The following NTNG1 variants were observed in gnomAD, a reference collection of about 807,000 sequenced individuals.
NTNG1 encodes netrin G1.
A neutral mutation model predicts 54.0 loss-of-function variants in NTNG1; 16 were observed. The observed-to-expected ratio is 0.30, with a 90% CI of 0.20 to 0.45. NTNG1 has a LOEUF of 0.45. Among genes scored for constraint, NTNG1 ranks in the 20% least tolerant of loss-of-function variants. The pLI is 1.00. For missense variants in NTNG1, 530 were observed against 678.7 expected (o/e 0.78, Z 2.43); for synonymous variants, 255 against 263.1 (o/e 0.97, Z 0.30).
intron 2 of NTNG1, among the ~76,000 whole-genome samples, chr1:107,280,526 T>C (rs988774992): frequency 2.6e-4 from 39 of 152,018 alleles, no homozygotes; most frequent in Non-Finnish European, 5.3e-4. Context: ...AGGCATGCTG[T>C]AACTCTTCCT....
Position 107,162,522 on chromosome 1 carries a change from T to A in NTNG1, c.246+13683T>A, listed in dbSNP as rs1655481937. Among the ~76,000 whole-genome samples, 6 of 152,154 alleles carry A rather than the reference T, an allele frequency of 3.9e-5. No individual in the cohort carries two copies. The South Asian group carries it at 1.2e-3, about 31-fold the overall frequency. ...TTTGTTTTAATTATTTAATAATAAA[T>A]CACTTGGAAGTTGCATAAGCATCAC... On this transcript the variant is annotated intron_variant, in intron 2 of 7. Coordinates refer to ENST00000370068, the MANE Select transcript of NTNG1 (RefSeq NM_001113226.3).
chr1:107,393,993 C>T (rs1286263371), intron 3 of NTNG1, among the ~76,000 whole-genome samples: 1 of 151,632 alleles, frequency 6.6e-6, no homozygotes, highest in African/African-American at 2.4e-5. Context: ...TGTCCTAGTT[C>T]CTGGAAGAGG....
chr1:107,210,244 C>T (rs1659511146), intron 2 of NTNG1, among the ~76,000 whole-genome samples: 1 of 151,946 alleles, frequency 6.6e-6, no homozygotes, highest in African/African-American at 2.4e-5. Flanking sequence ...GCTTTGGTAC[C>T]CCAAACTTTT....
At chr1:107,323,602 A>G (rs569781952) in intron 2 of NTNG1, among the ~76,000 whole-genome samples, 3 of 152,242 alleles carry the variant, frequency 2.0e-5, no homozygotes, top group African/African-American at 7.2e-5. Context: ...CCCAGCCCCA[A>G]GACTTTCCTG....
At chr1:107,144,849 A>C (rs1345121347) in intron 1 of NTNG1, among the ~76,000 whole-genome samples, 1 of 151,920 alleles carries the variant, frequency 6.6e-6, no homozygotes, top group Non-Finnish European at 1.5e-5. Flanking sequence ...ATCAAAGGAG[A>C]CTTCTCAGTA....
At chr1:107,353,067 C>G (rs982437965) in intron 3 of NTNG1, among the ~76,000 whole-genome samples, 1 of 152,198 alleles carries the variant, frequency 6.6e-6, no homozygotes, top group Admixed American at 6.5e-5. Context: ...CAAGGCTGTT[C>G]CCCCATTGTC....
At chr1:107,249,435 T>C (rs1317603149) in intron 2 of NTNG1, among the ~76,000 whole-genome samples, 1 of 144,134 alleles carries the variant, frequency 6.9e-6, no homozygotes, top group Non-Finnish European at 1.5e-5. Flanking sequence ...TGAGCCGAGA[T>C]GGCGCCATTG....
chr1:107,393,635 G>A (rs1039291823), intron 3 of NTNG1, among the ~76,000 whole-genome samples: 1 of 151,726 alleles, frequency 6.6e-6, no homozygotes, highest in Admixed American at 6.6e-5. Context: ...CTGTAGCTTG[G>A]TCTTCCCAGA....
intron 3 of NTNG1, among the ~76,000 whole-genome samples, chr1:107,336,872 G>T (rs1168212850): frequency 6.6e-6 from 1 of 151,940 alleles, no homozygotes; most frequent in East Asian, 1.9e-4. Flanking sequence ...AGGCAAAGAT[G>T]CTCAAGATCA....
Position 107,226,271 on chromosome 1 carries a change from A to G in NTNG1, c.246+77432A>G, listed in dbSNP as rs139668337. Reference sequence around the variant, plus strand: ...CTTAGTTTGACTGAATTGATCCCAGATGTTAAACGCTAAATGCAATGCACT... The same window carrying G: ...CTTAGTTTGACTGAATTGATCCCAGGTGTTAAACGCTAAATGCAATGCACT... On this transcript the variant is annotated intron_variant, in intron 2 of 7. Transcript: ENST00000370068. 3.8e-4 allele frequency among the ~76,000 whole-genome samples: 58 copies of G among 152,198 alleles called. No individual in the cohort carries two copies. The East Asian group carries it at 0.011, about 28-fold the overall frequency.
chr1:107,444,455 C>G (rs571576396), intron 7 of NTNG1, among the ~76,000 whole-genome samples: 1 of 152,242 alleles, frequency 6.6e-6, no homozygotes, highest in South Asian at 2.1e-4. Flanking sequence ...AAACCCACAG[C>G]TCCTGAATTG....
At chr1:107,275,112 C>T (rs1030834792) in intron 2 of NTNG1, among the ~76,000 whole-genome samples, 3 of 152,162 alleles carry the variant, frequency 2.0e-5, no homozygotes, top group Non-Finnish European at 4.4e-5. Flanking sequence ...CATGGTGGCT[C>T]ACACCAGTAA....
At chr1:107,414,185 T>C (rs939935687) in intron 5 of NTNG1, among the ~76,000 whole-genome samples, 2 of 152,186 alleles carry the variant, frequency 1.3e-5, no homozygotes, top group South Asian at 2.1e-4. Flanking sequence ...AATTCTATCA[T>C]AGTTTTCTTC....
rs182290467 is a variant in NTNG1 at position 107,481,363 on chromosome 1, T to C, written c.*523T>C. 8.2e-3 allele frequency: 1,266 copies of C among 154,010 alleles called. 8 individuals carry two copies. The highest frequency in any genetic ancestry group is 0.013 in the Non-Finnish European group (910 of 69,194). 9.5% of individuals were successfully genotyped at this position (154,010 alleles called of 1,614,324 possible). On this transcript the variant is annotated 3_prime_UTR_variant, in exon 8 of 8. Coordinates refer to ENST00000370068, the MANE Select transcript of NTNG1 (RefSeq NM_001113226.3). ...TTAGTGAACGTTGCTCTGTAACCCTTGTTGGTTGAAAGATTTCTTTGTCTG... is the reference window on the plus strand; with the variant it reads ...TTAGTGAACGTTGCTCTGTAACCCTCGTTGGTTGAAAGATTTCTTTGTCTG...
At chr1:107,396,399 A>T (rs1672686908) in intron 4 of NTNG1, among the ~76,000 whole-genome samples, 1 of 152,188 alleles carries the variant, frequency 6.6e-6, no homozygotes, top group South Asian at 2.1e-4. Flanking sequence ...GCATGAAATT[A>T]TGATAACATT....
intron 3 of NTNG1, among the ~76,000 whole-genome samples, chr1:107,362,988 T>G (rs1260452303): frequency 6.6e-6 from 1 of 152,224 alleles, no homozygotes; most frequent in Non-Finnish European, 1.5e-5. Context: ...TTTCCATGGC[T>G]GGCTTTTATC....
intron 2 of NTNG1, among the ~76,000 whole-genome samples, chr1:107,253,441 T>C (rs983624048): frequency 2.6e-5 from 4 of 152,234 alleles, no homozygotes; most frequent in African/African-American, 9.6e-5. Flanking sequence ...TTATTCTAAA[T>C]TCTCAGAATT....
chr1:107,364,312 A>G (rs2100964350), intron 3 of NTNG1, among the ~76,000 whole-genome samples: 1 of 152,296 alleles, frequency 6.6e-6, no homozygotes, highest in Non-Finnish European at 1.5e-5. Flanking sequence ...TAACTGCATA[A>G]TGAGGTACAG....
chr1:107,291,598 T>A (rs577521228), intron 2 of NTNG1, among the ~76,000 whole-genome samples: 1 of 152,308 alleles, frequency 6.6e-6, no homozygotes, highest in African/African-American at 2.4e-5. Context: ...CAAAAAATAT[T>A]GCTGATTTAT....
Sources: gnomAD v4.1 joint callset for allele counts (sites outside exome capture counted in the v4.1 genomes callset) on GRCh38, gnomAD v4.1.1 for gene constraint, MANE v1.5 for transcripts, NCBI Gene and HGNC (gene_info 2026-07-23, HGNC 2026-07-21) for gene names.